PAQR5: variants seen among roughly 807,000 people sequenced by gnomAD.
PAQR5 encodes progestin and adipoQ receptor family member 5.
PAQR5 carries 20 observed loss-of-function variants against 34.5 expected under a neutral mutation model. That is an observed-to-expected ratio of 0.58 (90% CI 0.41 to 0.84). PAQR5 has a LOEUF of 0.84. Among genes scored for constraint, PAQR5 ranks in the 40% least tolerant of loss-of-function variants. PAQR5 has a pLI of 0.00. For missense variants in PAQR5, 378 were observed against 412.7 expected (o/e 0.92, Z 0.73); for synonymous variants, 131 against 155.6 (o/e 0.84, Z 1.18).
At chr15:69,400,969 T>C (rs1055477356) in intron 8 of PAQR5, 3 of 152,130 alleles carry the variant, frequency 2.0e-5, no homozygotes, top group Admixed American at 6.5e-5. Flanking sequence ...AACCCAATAC[T>C]CACACAGAGG....
intron 3 of PAQR5, among the ~76,000 whole-genome samples, chr15:69,360,699 G>C (rs2055209643): frequency 6.6e-6 from 1 of 152,224 alleles, no homozygotes; most frequent in Non-Finnish European, 1.5e-5. Flanking sequence ...GAGCCTGGTT[G>C]TGTGCTACAG....
At chr15:69,307,126 G>A (rs1449891015) in intron 1 of PAQR5, among the ~76,000 whole-genome samples, 2 of 148,748 alleles carry the variant, frequency 1.3e-5, no homozygotes, top group Non-Finnish European at 3.0e-5. Flanking sequence ...AGATAGTCTC[G>A]CTCTGTCACC....
At chr15:69,399,825 T>A in intron 7 of PAQR5, 149 bp from the exon 8 acceptor site, 1 of 704,600 alleles carries the variant, frequency 1.4e-6, no homozygotes, top group Non-Finnish European at 2.3e-6. Flanking sequence ...CCTGAGGAGG[T>A]GAGGGCCTTG....
chr15:69,342,628 C>T (rs1434483802), intron 2 of PAQR5, among the ~76,000 whole-genome samples: 1 of 152,182 alleles, frequency 6.6e-6, no homozygotes, highest in Non-Finnish European at 1.5e-5. Flanking sequence ...GGGTGCTATT[C>T]AGTCCTTGGA....
rs541962826 is a variant in PAQR5 at position 69,299,632 on chromosome 15, C to T, written c.-277+576C>T. 2.6e-5 allele frequency among the ~76,000 whole-genome samples: 4 copies of T among 152,344 alleles called. No individual in the cohort carries two copies. In the South Asian group the frequency reaches 6.2e-4, roughly 24 times the overall value. On this transcript the variant is annotated intron_variant, in intron 1 of 8. Coordinates refer to ENST00000395407, the MANE Select transcript of PAQR5 (RefSeq NM_017705.4). ...GCTCTGTCATTGGCCTCCCCCCGGCCACAGCCCCCAGCTGGGCATCTCCTG... is the reference window on the plus strand; with the variant it reads ...GCTCTGTCATTGGCCTCCCCCCGGCTACAGCCCCCAGCTGGGCATCTCCTG...
At chr15:69,353,196 G>A (rs2054971187) in intron 2 of PAQR5, among the ~76,000 whole-genome samples, 1 of 152,226 alleles carries the variant, frequency 6.6e-6, no homozygotes, top group South Asian at 2.1e-4. Context: ...TGTCCCTGAT[G>A]TGGCACCATT....
chr15:69,402,648 A>G (rs1332483399), intron 8 of PAQR5, among the ~76,000 whole-genome samples: 1 of 152,198 alleles, frequency 6.6e-6, no homozygotes, highest in Non-Finnish European at 1.5e-5. Flanking sequence ...CACCAGTCAT[A>G]GTGGATTAGG....
chr15:69,311,551 G>T (rs28510681), intron 1 of PAQR5, among the ~76,000 whole-genome samples: 8,312 of 152,134 alleles, frequency 0.055, 733 homozygotes, highest in African/African-American at 0.19. Context: ...TATCTAACTG[G>T]GATGCACCCT....
At chr15:69,317,464 C>G (rs1236129461) in intron 1 of PAQR5, among the ~76,000 whole-genome samples, 3 of 152,206 alleles carry the variant, frequency 2.0e-5, no homozygotes, top group Admixed American at 2.0e-4. Flanking sequence ...ACCCCCCTAC[C>G]CAGGTCCATG....
chr15:69,403,027 T>C (rs1022007084), intron 8 of PAQR5, among the ~76,000 whole-genome samples: 2 of 152,346 alleles, frequency 1.3e-5, no homozygotes, highest in African/African-American at 4.8e-5. Context: ...AGAGGTCCAC[T>C]TGGTTAGTGG....
chr15:69,301,596 A>G (rs2053605906), intron 1 of PAQR5, among the ~76,000 whole-genome samples: 1 of 152,212 alleles, frequency 6.6e-6, no homozygotes, highest in African/African-American at 2.4e-5. Context: ...CCTCATCTGT[A>G]AAATGAGAGC....
At chr15:69,343,919 A>G (rs1181549769) in intron 2 of PAQR5, among the ~76,000 whole-genome samples, 1 of 152,192 alleles carries the variant, frequency 6.6e-6, no homozygotes, top group East Asian at 1.9e-4. Flanking sequence ...GATAAACAGT[A>G]TAATGACCTA....
chr15:69,316,221 T>C (rs1229702146), intron 1 of PAQR5, among the ~76,000 whole-genome samples: 2 of 152,106 alleles, frequency 1.3e-5, no homozygotes, highest in South Asian at 2.1e-4. Context: ...GCTGGAATTA[T>C]AGGCGTGCTC....
At chr15:69,378,825 G>A (rs1012314549) in intron 3 of PAQR5, among the ~76,000 whole-genome samples, 1 of 152,100 alleles carries the variant, frequency 6.6e-6, no homozygotes, top group African/African-American at 2.4e-5. Context: ...TCACAACTTG[G>A]GGGGTAGGGT....
At chr15:69,401,702 T>C (rs1463219757) in intron 8 of PAQR5, among the ~76,000 whole-genome samples, 1 of 152,220 alleles carries the variant, frequency 6.6e-6, no homozygotes. Context: ...AAATAGTTCA[T>C]GACAGATCAT....
intron 3 of PAQR5, among the ~76,000 whole-genome samples, chr15:69,362,789 G>C (rs1489818970): frequency 2.0e-5 from 3 of 152,138 alleles, no homozygotes; most frequent in Non-Finnish European, 2.9e-5. Context: ...ATGCTGGCAG[G>C]AGACTTCAGA....
intron 6 of PAQR5, among the ~76,000 whole-genome samples, chr15:69,390,905 A>C (rs7176537): frequency 1 from 151,517 of 152,024 alleles, 75,506 homozygotes; most frequent in Middle Eastern, 1. Flanking sequence ...TAACTACACC[A>C]ATTTATTCAG....
chr15:69,316,077 G>GTTTTTTAT (rs1240977868), intron 1 of PAQR5, among the ~76,000 whole-genome samples: 2 of 152,092 alleles, frequency 1.3e-5, no homozygotes, highest in Non-Finnish European at 2.9e-5. Flanking sequence ...TATTCATAGG[G>GTTTTTTAT]TTTTTTATTT....
At chr15:69,387,210 G>A (rs908630825) in intron 5 of PAQR5, among the ~76,000 whole-genome samples, 2 of 152,208 alleles carry the variant, frequency 1.3e-5, no homozygotes, top group Non-Finnish European at 2.9e-5. Context: ...TTAGCGGGGC[G>A]ACTTCCTTGG....
Sources: allele counts gnomAD v4.1 joint callset (sites outside exome capture counted in the v4.1 genomes callset), GRCh38; gene constraint gnomAD v4.1.1; transcripts MANE v1.5; gene names NCBI Gene and HGNC (gene_info 2026-07-23, HGNC 2026-07-21).